AHCYL2: variants seen among roughly 807,000 people sequenced by gnomAD.
AHCYL2 encodes the protein S-adenosylhomocysteine hydrolase-like protein 2.
In AHCYL2, 28 loss-of-function variants were observed where a neutral mutation model predicts 81.4. That is an observed-to-expected ratio of 0.34 (90% CI 0.25 to 0.47). The LOEUF is 0.47. AHCYL2 is among the 20% of genes least tolerant of loss of function. The pLI, the probability that AHCYL2 is intolerant of heterozygous loss-of-function variation, is 1.00. For missense variants in AHCYL2, 551 were observed against 785.1 expected, an observed-to-expected ratio of 0.70 and a Z score of 3.56; for synonymous variants, 272 against 290.2, an observed-to-expected ratio of 0.94 and a Z score of 0.64.
chr7:129,238,416 A>G (rs547046966), intron 1 of AHCYL2, among the ~76,000 whole-genome samples: 3 of 152,326 alleles, frequency 2.0e-5, no homozygotes, highest in African/African-American at 7.2e-5. Flanking sequence ...TAATCTCCCT[A>G]ATACATTGTG....
chr7:129,227,501 C>T (rs1794269375), intron 1 of AHCYL2, among the ~76,000 whole-genome samples: 1 of 146,750 alleles, frequency 6.8e-6, no homozygotes, highest in South Asian at 2.2e-4. Context: ...TGGTGTGTGC[C>T]TATAGTCCCA....
intron 1 of AHCYL2, among the ~76,000 whole-genome samples, chr7:129,304,617 TTTATCA>T (rs2150767334): frequency 6.6e-6 from 1 of 152,350 alleles, no homozygotes; most frequent in South Asian, 2.1e-4. Context: ...AATTAACCCC[TTTATCA>T]TTATATAATG....
intron 2 of AHCYL2, among the ~76,000 whole-genome samples, chr7:129,384,199 T>C (rs931260631): frequency 4.0e-5 from 6 of 150,862 alleles, no homozygotes; most frequent in African/African-American, 1.5e-4. Flanking sequence ...TCCTTTATTT[T>C]TCTTCATAGC....
In AHCYL2 at chr7:129,368,105, A is replaced by G; in HGVS notation, c.364-11533A>G. On this transcript the variant is annotated intron_variant, in intron 1 of 16. Coordinates refer to ENST00000325006, the MANE Select transcript of AHCYL2 (RefSeq NM_015328.4). This position sits in a 1 kb window ranked among gnomAD's most constrained non-coding sequence, Gnocchi z 4.4. ...CCTGAAGGGTGGGAGAGAATTCACA[A>G]GTGCCTCACACACAGGGAAAGAAGG... 1 of 1,012,552 alleles carries G rather than the reference A, an allele frequency of 9.9e-7. No homozygotes were observed. Among genetic ancestry groups the G allele is most frequent in the Non-Finnish European group, 1.2e-6 (1 of 847,332 alleles). 62.7% of individuals were successfully genotyped at this position (1,012,552 alleles called of 1,614,324 possible). A position where few individuals can be genotyped will look rare whatever the true frequency, so the allele number is the denominator to read the frequency against.
intron 1 of AHCYL2, among the ~76,000 whole-genome samples, chr7:129,256,542 A>AC (rs1228915009): frequency 2.9e-3 from 171 of 58,486 alleles, no homozygotes; most frequent in East Asian, 4.2e-3. Flanking sequence ...CCCGCCCCCC[A>AC]CCCCCCACCC....
Position 129,424,902 on chromosome 7 carries a change from C to T in AHCYL2, c.1589C>T (p.Thr530Ile). The T allele has an allele frequency of 6.2e-7, 1 of 1,613,486 alleles. No individual in the cohort carries two copies. The highest frequency in any genetic ancestry group is 8.5e-7 in the Non-Finnish European group (1 of 1,179,998). ...EGRLLNLSCS[T>I]VPTFVLSITA... is the part of the protein sequence containing the mutation. ...CGCCTGCTGAACCTTAGCTGCTCCACAGTGCCTACATTTGTGCTCTCAATC... is the reference window on the plus strand; with the variant it reads ...CGCCTGCTGAACCTTAGCTGCTCCATAGTGCCTACATTTGTGCTCTCAATC... The change falls in exon 14 of 17, where the codon ACA (threonine) becomes ATA (isoleucine). Residue 530 changes from threonine (T) to isoleucine (I), a missense_variant. Thr to Ile is a moderately conservative substitution (Grantham distance 89). Around this residue, in one of 2 missense-constraint regions of AHCYL2, gnomAD observed 316 missense variants for 543.1 expected, o/e 0.58. Transcript: ENST00000325006.
chr7:129,369,417 T>C (rs1456770902), intron 1 of AHCYL2, among the ~76,000 whole-genome samples: 2 of 152,168 alleles, frequency 1.3e-5, no homozygotes, highest in Admixed American at 6.5e-5. Flanking sequence ...GATAATGAGA[T>C]AGAATATATA....
At chr7:129,293,442 A>C (rs544285514) in intron 1 of AHCYL2, among the ~76,000 whole-genome samples, 20 of 152,238 alleles carry the variant, frequency 1.3e-4, no homozygotes, top group African/African-American at 4.6e-4. Flanking sequence ...GCGGGAGGCC[A>C]AGACCAGCGG....
At chr7:129,388,114 T>G (rs1043667510) in intron 2 of AHCYL2, 1 of 152,192 alleles carries the variant, frequency 6.6e-6, no homozygotes, top group African/African-American at 2.4e-5. Flanking sequence ...CAGTACTTAT[T>G]CCATTGAGAG....
intron 1 of AHCYL2, among the ~76,000 whole-genome samples, chr7:129,232,578 T>G (rs1395889884): frequency 6.6e-6 from 1 of 152,214 alleles, no homozygotes; most frequent in African/African-American, 2.4e-5. Flanking sequence ...TCCATTATCT[T>G]CCCAATACTA....
chr7:129,251,317 ATTTTTTT>A lies in AHCYL2; in HGVS notation c.363+25897_363+25903del, dbSNP rs3042851. Among the ~76,000 whole-genome samples the A allele has an allele frequency of 6.0e-3, 715 of 119,482 alleles. 4 individuals are homozygous for A. Among genetic ancestry groups the A allele is most frequent in the African/African-American group, 0.021 (673 of 31,898 alleles). 78.4% of individuals were successfully genotyped at this position (119,482 alleles called of 152,430 possible). On this transcript the variant is annotated intron_variant, in intron 1 of 16. Coordinates refer to ENST00000325006, the MANE Select transcript of AHCYL2 (RefSeq NM_015328.4). ...TGTTAACAGCTGGCAGATAGTAAAG[ATTTTTTT>A]TTTTTTTTTTTTTTTTTTAAATAAG...
rs1584690791 is a variant in AHCYL2, at chr7:129,238,357, C to G, written c.363+12918C>G. Reference sequence around the variant, plus strand: ...AATGCTATTTTTTTTATGACCGATGCTAGACTGTATTAGAGAAGTAACTTA... The same window carrying G: ...AATGCTATTTTTTTTATGACCGATGGTAGACTGTATTAGAGAAGTAACTTA... On this transcript the variant is annotated intron_variant, in intron 1 of 16. Transcript: ENST00000325006. Among the ~76,000 whole-genome samples, 5 of 152,234 alleles carry G rather than the reference C, an allele frequency of 3.3e-5. No individual in the cohort carries two copies. In the South Asian group the frequency reaches 1.0e-3, roughly 32 times the overall value.
intron 1 of AHCYL2, among the ~76,000 whole-genome samples, chr7:129,322,708 C>A (rs947458662): frequency 6.6e-6 from 1 of 152,188 alleles, no homozygotes. Context: ...CCTCCCACTT[C>A]ACCCTCCCGA....
At chr7:129,403,203 ATGACTATT>A (rs1796117545) in intron 6 of AHCYL2, among the ~76,000 whole-genome samples, 168 bp from the exon 7 acceptor site, 2 of 152,180 alleles carry the variant, frequency 1.3e-5, no homozygotes, top group East Asian at 3.9e-4. Context: ...CTTCAATATA[ATGACTATT>A]TGGCAGATTA....
chr7:129,403,036 G>A (rs1214417383), intron 6 of AHCYL2, among the ~76,000 whole-genome samples: 1 of 151,936 alleles, frequency 6.6e-6, no homozygotes, highest in East Asian at 1.9e-4. Context: ...AATACCTATA[G>A]TAGATTCAAG....
At chr7:129,305,730 T>C (rs1797417013) in intron 1 of AHCYL2, among the ~76,000 whole-genome samples, 1 of 152,364 alleles carries the variant, frequency 6.6e-6, no homozygotes, top group South Asian at 2.1e-4. Flanking sequence ...ATTAGCATCC[T>C]CTTCTTTCAG....
intron 2 of AHCYL2, among the ~76,000 whole-genome samples, chr7:129,387,342 G>A (rs1430606953): frequency 6.6e-6 from 1 of 152,194 alleles, no homozygotes; most frequent in African/African-American, 2.4e-5. Flanking sequence ...GTGTGTGAAT[G>A]ACTGAATACG....
chr7:129,413,031 G>C (rs1206063188), intron 11 of AHCYL2, among the ~76,000 whole-genome samples: 1 of 151,584 alleles, frequency 6.6e-6, no homozygotes, highest in Non-Finnish European at 1.5e-5. Flanking sequence ...TGTAGAAATG[G>C]GACTTTGCCA....
intron 1 of AHCYL2, among the ~76,000 whole-genome samples, chr7:129,289,218 T>C (rs1454569213): frequency 6.6e-6 from 1 of 152,220 alleles, no homozygotes; most frequent in East Asian, 1.9e-4. Context: ...GCCTGCCTAA[T>C]AGCTAGGAGC....
Sources: gnomAD v4.1 joint callset for allele counts (sites outside exome capture counted in the v4.1 genomes callset) on GRCh38, gnomAD v4.1.1 for gene constraint, gnomAD v4.1.1 regional missense constraint, Gnocchi (gnomAD v3.1) non-coding constraint, MANE v1.5 for transcripts, NCBI Gene and HGNC (gene_info 2026-07-23, HGNC 2026-07-21) for gene names.